The following KLHL15 variants were observed in gnomAD, a reference collection of about 807,000 sequenced individuals.
The protein encoded by KLHL15 is kelch like family member 15.
In KLHL15, 1 loss-of-function variant was observed where a neutral mutation model predicts 29.3. The ratio of observed to expected loss-of-function variants is 0.03; its 90% CI spans 0.01 to 0.16. KLHL15 has a LOEUF of 0.16. KLHL15 is among the 10% of genes least tolerant of loss of function. The pLI, the probability that KLHL15 is intolerant of heterozygous loss-of-function variation, is 1.00. For synonymous variants in KLHL15, 212 were observed against 184.5 expected, an observed-to-expected ratio of 1.15 and a Z score of -1.21; for missense variants, 215 against 478.5, an observed-to-expected ratio of 0.45 and a Z score of 5.14.
At chrX:24,026,530 C>T (rs1449085936) in intron 1 of KLHL15, among the ~76,000 whole-genome samples, 2 of 111,073 alleles carry the variant, frequency 1.8e-5, no homozygotes, top group Non-Finnish European at 3.8e-5. Flanking sequence ...CATCCATTGC[C>T]CATAGCAGAT....
At chrX:24,023,288 T>C (rs1037742043) in intron 2 of KLHL15, among the ~76,000 whole-genome samples, 1 of 111,321 alleles carries the variant, frequency 9.0e-6, no homozygotes, top group African/African-American at 3.3e-5. Context: ...AAAGCAATGA[T>C]TTGTCAAAAT....
rs373169888 is a variant in KLHL15 at position 24,018,202 on chromosome X, G to A, written c.-8+6655C>T. ...CAGAGACAGCCGCGGCAGCAGTAGC[G>A]TGCTCAACAAGAAGTGCGTAGCCCC... is the stretch of plus-strand genomic sequence containing the variant. On this transcript the variant is annotated intron_variant, in intron 2 of 3. Coordinates refer to ENST00000328046, the MANE Select transcript of KLHL15 (RefSeq NM_030624.3). Among the ~76,000 whole-genome samples the A allele has an allele frequency of 5.4e-5, 6 of 111,818 alleles. No individual in the cohort carries two copies. The East Asian group carries it at 8.3e-4, about 15-fold the overall frequency.
At chrX:24,019,326 T>C (rs749212736) in intron 2 of KLHL15, among the ~76,000 whole-genome samples, 57 of 111,751 alleles carry the variant, frequency 5.1e-4, no homozygotes, top group Middle Eastern at 4.6e-3. Flanking sequence ...TACAGTGGCA[T>C]GATCTCTGCA....
At chrX:24,015,320 A>G (rs896436253) in intron 2 of KLHL15, among the ~76,000 whole-genome samples, 4 of 112,272 alleles carry the variant, frequency 3.6e-5, no homozygotes, top group Non-Finnish European at 7.5e-5. Flanking sequence ...CTAAATACAC[A>G]TGCCAGTTAA....
intron 2 of KLHL15, among the ~76,000 whole-genome samples, chrX:24,023,887 C>A: frequency 8.9e-6 from 1 of 112,243 alleles, no homozygotes; most frequent in Non-Finnish European, 1.9e-5. Flanking sequence ...CTCTTCAAAA[C>A]CAATTTTCAA....
chrX:23,998,816 T>C (rs1376265329), intron 3 of KLHL15, among the ~76,000 whole-genome samples: 1 of 112,184 alleles, frequency 8.9e-6, no homozygotes, highest in Non-Finnish European at 1.9e-5. Flanking sequence ...TTTTCTCCAG[T>C]CATTTCCAGA....
rs769091199 is a variant in KLHL15, at chrX:24,027,154, G to T, written c.-224C>A. On this transcript the variant is annotated 5_prime_UTR_variant, in exon 1 of 4. Transcript: ENST00000328046. Reference sequence around the variant, plus strand: ...GTGGCACTGACCTGTCTAAAGAGAGGCTTCTGTTCTTGATTCAAGCAAGAG... The same window carrying T: ...GTGGCACTGACCTGTCTAAAGAGAGTCTTCTGTTCTTGATTCAAGCAAGAG... 8.9e-6 allele frequency: 1 copy of T among 111,828 alleles called. No homozygotes were observed. The highest frequency in any genetic ancestry group is 1.9e-5 in the Non-Finnish European group (1 of 53,199). 9.2% of individuals were successfully genotyped at this position (111,828 alleles called of 1,213,427 possible).
At chrX:24,001,929 C>A (rs978751080) in intron 3 of KLHL15, among the ~76,000 whole-genome samples, 16 of 106,992 alleles carry the variant, frequency 1.5e-4, no homozygotes, top group African/African-American at 4.8e-4. Flanking sequence ...GTCAGGAGAT[C>A]GAGACCATCC....
At chrX:24,022,417 T>C (rs987293471) in intron 2 of KLHL15, among the ~76,000 whole-genome samples, 13 of 103,786 alleles carry the variant, frequency 1.3e-4, no homozygotes, top group Non-Finnish European at 2.1e-4. Context: ...GTAGATCACT[T>C]GAGTCCAGGA....
At chrX:23,990,835 AATTCCTTGCCTT>A (rs1929068148) in intron 3 of KLHL15, among the ~76,000 whole-genome samples, 1 of 110,106 alleles carries the variant, frequency 9.1e-6, no homozygotes, top group East Asian at 2.8e-4. Flanking sequence ...CCCATTCACT[AATTCCTTGCCTT>A]AGTCCAAAAC....
chrX:24,002,603 GTTT>G (rs576565042), intron 3 of KLHL15, among the ~76,000 whole-genome samples: 4 of 83,720 alleles, frequency 4.8e-5, no homozygotes, highest in African/African-American at 8.5e-5. Context: ...CCTAGGCTAT[GTTT>G]TTTTTTTTTT....
chrX:24,011,342 A>T (rs1929570697), intron 2 of KLHL15, among the ~76,000 whole-genome samples: 1 of 76,597 alleles, frequency 1.3e-5, no homozygotes, highest in African/African-American at 6.0e-5. Flanking sequence ...ACTGTCTCTT[A>T]AAAAAAAAAA....
At chrX:24,007,027 T>C (rs1929457844) in intron 2 of KLHL15, among the ~76,000 whole-genome samples, 1 of 107,350 alleles carries the variant, frequency 9.3e-6, no homozygotes, top group Non-Finnish European at 1.9e-5. Context: ...TACAAAATAA[T>C]AACAATAAAA....
At chrX:23,993,210 G>C (rs190284781) in intron 3 of KLHL15, among the ~76,000 whole-genome samples, 71 of 92,139 alleles carry the variant, frequency 7.7e-4, no homozygotes, top group African/African-American at 3.5e-3. Context: ...GGATCCTTGA[G>C]GCTTCATAGA....
chrX:24,006,668 C>G lies in KLHL15; in HGVS notation c.26G>C (p.Cys9Ser), dbSNP rs1929450178. ...GACACTGGTGTCGTGGATGGAGGAA[C>G]AGAATCCTTCCACGTCCCCTGCCAT... MAGDVEGF[C>S]SSIHDTSVSA... The change falls in exon 3 of 4, where the codon TGT becomes TCT. Residue 9 changes from cysteine to serine, a missense_variant. Coordinates refer to ENST00000328046, the MANE Select transcript of KLHL15 (RefSeq NM_030624.3). 8.3e-7 allele frequency: 1 copy of G among 1,198,529 alleles called. No homozygotes were observed. Among genetic ancestry groups the G allele is most frequent in the East Asian group, 3.0e-5 (1 of 33,494 alleles).
intron 3 of KLHL15, among the ~76,000 whole-genome samples, chrX:24,000,286 A>G (rs937024470): frequency 3.4e-4 from 37 of 110,403 alleles, no homozygotes; most frequent in African/African-American, 1.2e-3. Flanking sequence ...GAGATCGAGA[A>G]ACATGGTGAA....
At chrX:24,018,619 G>A (rs1233172871) in intron 2 of KLHL15, among the ~76,000 whole-genome samples, 1 of 111,001 alleles carries the variant, frequency 9.0e-6, no homozygotes, top group Non-Finnish European at 1.9e-5. Context: ...CATGATCTGG[G>A]GACAAGTGAA....
intron 2 of KLHL15, among the ~76,000 whole-genome samples, chrX:24,010,438 G>A (rs949437552): frequency 1.8e-5 from 2 of 111,820 alleles, no homozygotes; most frequent in African/African-American, 3.2e-5. Flanking sequence ...TGGCAGTTTC[G>A]TCCACCGAAC....
chrX:23,987,603 T>C lies in KLHL15; in HGVS notation c.*318A>G, dbSNP rs776227242. 5.0e-4 allele frequency: 89 copies of C among 178,476 alleles called. No homozygotes were observed. Among genetic ancestry groups the C allele is most frequent in the Non-Finnish European group, 7.5e-4 (72 of 96,612 alleles). The allele number at this position is 178,476 out of a possible 1,213,427, so 14.7% of individuals were successfully genotyped here. On this transcript the variant is annotated 3_prime_UTR_variant, in exon 4 of 4. Transcript: ENST00000328046. ...CAGTGACACTTATCGGGTCTTCTCT[T>C]AGAAGACACATGACTCCTACGCTAA...
Sources: gnomAD v4.1 joint callset for allele counts (sites outside exome capture counted in the v4.1 genomes callset) on GRCh38, gnomAD v4.1.1 for gene constraint, MANE v1.5 for transcripts, NCBI Gene and HGNC (gene_info 2026-07-23, HGNC 2026-07-21) for gene names.